Variants in AFF3 observed in about 807,000 individuals in gnomAD.
The protein encoded by AFF3 is ALF transcription elongation factor 3.
Under a neutral mutation model 129.7 loss-of-function variants are expected in AFF3, and 32 were observed. That is an observed-to-expected ratio of 0.25 (90% CI 0.19 to 0.33). The LOEUF is 0.33. Ranked by LOEUF, AFF3 falls within the 10% of genes least tolerant of loss-of-function variation. The probability of loss-of-function intolerance (pLI) is 1.00; values close to 1 mark genes in which losing one functional copy is unlikely to be tolerated. For missense variants in AFF3, 1,373 were observed against 1,592.0 expected (o/e 0.86, Z 2.34); for synonymous variants, 644 against 635.4 (o/e 1.01, Z -0.20).
intron 2 of AFF3, among the ~76,000 whole-genome samples, chr2:100,125,326 A>G (rs969824484): frequency 2.6e-5 from 4 of 152,178 alleles, no homozygotes; most frequent in African/African-American, 9.7e-5. Flanking sequence ...GGAGTCTGTA[A>G]ATATCATCTA....
intron 7 of AFF3, among the ~76,000 whole-genome samples, chr2:99,900,412 A>G (rs1300279129): frequency 6.6e-6 from 1 of 152,134 alleles, no homozygotes; most frequent in African/African-American, 2.4e-5. Flanking sequence ...ATGTAGCTCT[A>G]AGACTCGGGC....
chr2:99,790,942 C>A (rs1327813854), intron 8 of AFF3, among the ~76,000 whole-genome samples: 1 of 152,178 alleles, frequency 6.6e-6, no homozygotes, highest in Non-Finnish European at 1.5e-5. Context: ...TTATGATATA[C>A]CCATAGAATG....
chr2:99,553,546 A>G (rs1456656007), intron 24 of AFF3, among the ~76,000 whole-genome samples: 1 of 152,162 alleles, frequency 6.6e-6, no homozygotes, highest in Non-Finnish European at 1.5e-5. Flanking sequence ...TGATATATAT[A>G]ACAATATATA....
Position 99,554,405 on chromosome 2 carries a change from G to C in AFF3, c.3465C>G (p.His1155Gln). ...STIVSIPQRI[H>Q]QMAANHVSIT... ...TGCTGACGTGGTTGGCCGCCATCTG[G>C]TGGATGCGCTGTGGGATGCTGACGA... The change falls in exon 24 of 25, where the codon CAC becomes CAG. Residue 1155 changes from histidine to glutamine, a missense_variant. By Grantham distance (24) the His-to-Gln change is conservative. This residue lies in a region of AFF3 where 165 missense variants were observed against 234.0 expected (regional missense o/e 0.71). Coordinates refer to ENST00000672756, the MANE Select transcript of AFF3 (RefSeq NM_001386135.1). The C allele has an allele frequency of 6.2e-7, 1 of 1,614,198 alleles. No homozygotes were observed. The highest frequency in any genetic ancestry group is 1.3e-5 in the African/African-American group (1 of 75,056).
intron 8 of AFF3, among the ~76,000 whole-genome samples, chr2:99,833,707 C>G (rs761511289): frequency 6.6e-6 from 1 of 152,010 alleles, no homozygotes; most frequent in African/African-American, 2.4e-5. Context: ...TGCCATTCTA[C>G]GTTAATGGAT....
chr2:99,810,160 A>G (rs1369007519), intron 8 of AFF3, among the ~76,000 whole-genome samples: 1 of 152,212 alleles, frequency 6.6e-6, no homozygotes, highest in African/African-American at 2.4e-5. Flanking sequence ...GCTTGAACCA[A>G]TACTGGTACC....
rs547548720 is a variant in AFF3, at chr2:100,011,817, A to G, written c.54-2885T>C. ...TGGCTTAAATGTTTAAGACAAAGGC[A>G]ATAGGATAAAAACCAAAATTAATTA... On this transcript the variant is annotated intron_variant, in intron 4 of 24. Transcript: ENST00000672756. 9.8e-5 allele frequency among the ~76,000 whole-genome samples: 15 copies of G among 152,326 alleles called. No individual in the cohort carries two copies. In the East Asian group the frequency reaches 2.9e-3, roughly 29 times the overall value.
At chr2:100,098,996 G>A (rs946832065) in intron 4 of AFF3, among the ~76,000 whole-genome samples, 7 of 129,414 alleles carry the variant, frequency 5.4e-5, no homozygotes, top group Admixed American at 3.7e-4. Context: ...TTGCCTCCTC[G>A]TACCTGCCGA....
At chr2:100,016,610 G>A (rs1318582841) in intron 4 of AFF3, among the ~76,000 whole-genome samples, 3 of 144,022 alleles carry the variant, frequency 2.1e-5, no homozygotes, top group African/African-American at 8.5e-5. Context: ...TGGTAGTGGT[G>A]GTAATGGTGA....
At chr2:99,668,836 A>G (rs1281290194) in intron 12 of AFF3, among the ~76,000 whole-genome samples, 1 of 152,230 alleles carries the variant, frequency 6.6e-6, no homozygotes, top group Non-Finnish European at 1.5e-5. Context: ...TGCTGGGATT[A>G]CAGGCCTGAG....
rs573615846 is a variant in AFF3, at chr2:99,881,585, G to A, written c.874-44061C>T. Among the ~76,000 whole-genome samples the A allele has an allele frequency of 1.1e-4, 17 of 151,624 alleles. No individual in the cohort carries two copies. The East Asian group carries it at 3.3e-3, about 29-fold the overall frequency. ...TCCAGTACTATGGGATTGGTGATTT[G>A]AAAAGAAAAAAAAAATCGCATTTTA... is the stretch of plus-strand genomic sequence containing the variant. On this transcript the variant is annotated intron_variant, in intron 7 of 24. Transcript: ENST00000672756.
At chr2:100,041,727 G>A (rs888157566) in intron 4 of AFF3, among the ~76,000 whole-genome samples, 4 of 152,142 alleles carry the variant, frequency 2.6e-5, no homozygotes, top group Admixed American at 2.6e-4. Context: ...TTCTCCAAAT[G>A]ATGAATATTA....
intron 20 of AFF3, 109 bp from the exon 21 acceptor site, chr2:99,560,545 T>A (rs1575352553): frequency 9.9e-7 from 1 of 1,012,132 alleles, no homozygotes; most frequent in Non-Finnish European, 1.5e-6. Flanking sequence ...TCTCCCTGCC[T>A]GATCCTTAGC....
intron 7 of AFF3, among the ~76,000 whole-genome samples, chr2:99,940,118 T>C (rs1020526797): frequency 3.9e-5 from 6 of 152,204 alleles, no homozygotes; most frequent in Non-Finnish European, 5.9e-5. Context: ...TCAGGACACC[T>C]GATGCTCCAG....
At chr2:99,981,643 ATCT>A (rs1325738888) in intron 7 of AFF3, among the ~76,000 whole-genome samples, 3 of 152,234 alleles carry the variant, frequency 2.0e-5, no homozygotes, top group African/African-American at 7.2e-5. Context: ...AATATCTGGA[ATCT>A]TCTTTTGTGA....
chr2:99,843,128 T>G (rs1689445261), intron 7 of AFF3, among the ~76,000 whole-genome samples: 1 of 152,248 alleles, frequency 6.6e-6, no homozygotes, highest in Non-Finnish European at 1.5e-5. Context: ...AAGTTAGGTA[T>G]GCTGTCAATA....
chr2:100,071,583 C>T (rs569260829), intron 4 of AFF3, among the ~76,000 whole-genome samples: 8 of 152,294 alleles, frequency 5.3e-5, no homozygotes, highest in African/African-American at 1.2e-4. Context: ...GAAACCACCA[C>T]GCTCTGGCTC....
chr2:99,570,952 C>G (rs1429549906), intron 18 of AFF3, among the ~76,000 whole-genome samples: 1 of 152,238 alleles, frequency 6.6e-6, no homozygotes, highest in African/African-American at 2.4e-5. Flanking sequence ...CCCCTCTGTC[C>G]TTCCTGAGCT....
intron 13 of AFF3, among the ~76,000 whole-genome samples, chr2:99,621,458 G>A (rs74484145): frequency 1.8e-3 from 279 of 152,248 alleles, no homozygotes; most frequent in Non-Finnish European, 3.4e-3. Context: ...CTGCGACCTC[G>A]TCCACCCAGA....
Sources: allele counts gnomAD v4.1 joint callset (sites outside exome capture counted in the v4.1 genomes callset), GRCh38; gene constraint gnomAD v4.1.1; regional missense constraint gnomAD v4.1.1; transcripts MANE v1.5; gene names NCBI Gene and HGNC (gene_info 2026-07-23, HGNC 2026-07-21).